CR1: variants seen among roughly 807,000 people sequenced by gnomAD.
CR1 encodes complement receptor type 1.
Under a neutral mutation model 187.3 loss-of-function variants are expected in CR1, and 116 were observed. The ratio of observed to expected loss-of-function variants is 0.62; its 90% CI spans 0.53 to 0.72. The LOEUF is 0.72. Ranked by LOEUF, CR1 falls within the 30% of genes least tolerant of loss-of-function variation. CR1 has a pLI of 0.00. For missense variants in CR1, 1,731 were observed against 2,110.7 expected (o/e 0.82, Z 3.52); for synonymous variants, 576 against 747.1 (o/e 0.77, Z 3.73).
intron 41 of CR1, among the ~76,000 whole-genome samples, chr1:207,617,545 G>GTA (rs1329544955): frequency 9.5e-5 from 10 of 104,852 alleles, no homozygotes; most frequent in East Asian, 7.3e-4. Flanking sequence ...GTGTATGTGT[G>GTA]TATATATATA....
At chr1:207,502,767 A>G (rs1251322712) in intron 1 of CR1, among the ~76,000 whole-genome samples, 11 of 152,262 alleles carry the variant, frequency 7.2e-5, no homozygotes, top group Admixed American at 7.2e-4. Context: ...GAAAGCACAG[A>G]GTTAGGCTTC....
In CR1 at chr1:207,641,238, A is replaced by G. The variant is rs1662974314; in HGVS notation, c.*1829A>G. 2 of 152,108 alleles carry G rather than the reference A, an allele frequency of 1.3e-5. No homozygotes were observed. The highest frequency in any genetic ancestry group is 2.9e-5 in the Non-Finnish European group (2 of 68,030). 9.4% of individuals were successfully genotyped at this position (152,108 alleles called of 1,614,324 possible). The stretch of plus-strand genomic sequence containing the variant: ...GTGATTGGGAATTGGCCTTTTTAGA[A>G]TTAAAATTTCCCATTACAAGAAAAA... On this transcript the variant is annotated 3_prime_UTR_variant, in exon 47 of 47. Coordinates refer to ENST00000367049, the MANE Select transcript of CR1 (RefSeq NM_000651.6).
rs559950844 is a variant in CR1, at chr1:207,614,341, C to T, written c.6576-63C>T. On this transcript the variant is annotated intron_variant, in intron 39 of 46. Transcript: ENST00000367049. Reference sequence around the variant, plus strand: ...AGTGAGGAAGCTGAGCATCTATTAGCGAAGAAATCAAGGGAGAGATGGGAA... The same window carrying T: ...AGTGAGGAAGCTGAGCATCTATTAGTGAAGAAATCAAGGGAGAGATGGGAA... 610 of 1,302,050 alleles carry T rather than the reference C, an allele frequency of 4.7e-4. 1 individual carries two copies. In the Middle Eastern group the frequency reaches 4.7e-3, roughly 10 times the overall value. 80.7% of individuals were successfully genotyped at this position (1,302,050 alleles called of 1,614,324 possible). A position where few individuals can be genotyped will look rare whatever the true frequency, so the allele number is the denominator to read the frequency against.
chr1:207,514,347 A>G (rs374306532), intron 4 of CR1, among the ~76,000 whole-genome samples: 3 of 151,984 alleles, frequency 2.0e-5, no homozygotes, highest in East Asian at 3.8e-4. Context: ...GTTGTGTGTT[A>G]TGGTCTGAAC....
chr1:207,502,708 A>T (rs1029563988), intron 1 of CR1, among the ~76,000 whole-genome samples: 1 of 152,210 alleles, frequency 6.6e-6, no homozygotes, highest in Admixed American at 6.5e-5. Context: ...TCTGGGAAAA[A>T]TAAGTAAGAA....
intron 24 of CR1, among the ~76,000 whole-genome samples, chr1:207,566,229 T>G (rs912434164): frequency 6.7e-6 from 1 of 150,054 alleles, no homozygotes; most frequent in Non-Finnish European, 1.5e-5. Context: ...CTCTAGTTTT[T>G]TCTTTCTTTT....
At chr1:207,611,618 A>G (rs1415277868) in intron 37 of CR1, 59 bp from the exon 38 acceptor site, 5 of 1,598,738 alleles carry the variant, frequency 3.1e-6, no homozygotes, top group East Asian at 4.5e-5. Flanking sequence ...TAAGCATAAG[A>G]TATAACAAAG....
Position 207,640,720 on chromosome 1 carries a change from A to C in CR1, c.*1311A>C, listed in dbSNP as rs979491126. Reference sequence around the variant, plus strand: ...GTGTTATGATATTATGGGCCATGCTAATGACCTCTAGAAAACATCAGAATA... The same window carrying C: ...GTGTTATGATATTATGGGCCATGCTCATGACCTCTAGAAAACATCAGAATA... On this transcript the variant is annotated 3_prime_UTR_variant, in exon 47 of 47. Coordinates refer to ENST00000367049, the MANE Select transcript of CR1 (RefSeq NM_000651.6). The C allele has an allele frequency of 6.6e-6, 1 of 152,242 alleles. No homozygotes were observed. Among genetic ancestry groups the C allele is most frequent in the Middle Eastern group, 3.2e-3 (1 of 316 alleles). The allele number at this position is 152,242 out of a possible 1,614,324, so 9.4% of individuals were successfully genotyped here. A position where few individuals can be genotyped will look rare whatever the true frequency, so the allele number is the denominator to read the frequency against.
chr1:207,633,967 G>C (rs558351479), intron 46 of CR1, among the ~76,000 whole-genome samples: 1 of 152,154 alleles, frequency 6.6e-6, no homozygotes, highest in African/African-American at 2.4e-5. Context: ...GGTGCTCAGT[G>C]GGGGAGCTTT....
At position 207,496,164 on chromosome 1, in the gene CR1, G is replaced by A. The variant is rs1659072748; in HGVS notation, c.-104G>A. ...AACCCCGCAGCCCTCCCCACACTCT[G>A]GGCGCGGAGCACAATGATTGGTCAC... On this transcript the variant is annotated 5_prime_UTR_variant, in exon 1 of 47. Coordinates refer to ENST00000367049, the MANE Select transcript of CR1 (RefSeq NM_000651.6). The A allele has an allele frequency of 3.8e-6, 6 of 1,596,642 alleles. No individual in the cohort carries two copies. Among genetic ancestry groups the A allele is most frequent in the Non-Finnish European group, 5.1e-6 (6 of 1,170,670 alleles).
Position 207,575,095 on chromosome 1 carries a change from A to G in CR1, c.4452-500A>G, listed in dbSNP as rs539689408. On this transcript the variant is annotated intron_variant, in intron 27 of 46. Transcript: ENST00000367049. Reference sequence around the variant, plus strand: ...TCAAATGTATCATTTATCTCAATACATTTGGTTTAATCCTCTTGTTGAAAA... The same window carrying G: ...TCAAATGTATCATTTATCTCAATACGTTTGGTTTAATCCTCTTGTTGAAAA... 1.1e-4 allele frequency among the ~76,000 whole-genome samples: 16 copies of G among 152,312 alleles called. No homozygotes were observed. The South Asian group carries it at 3.1e-3, about 30-fold the overall frequency.
At chr1:207,502,503 T>C (rs557515997) in intron 1 of CR1, among the ~76,000 whole-genome samples, 3 of 152,168 alleles carry the variant, frequency 2.0e-5, no homozygotes, top group African/African-American at 7.2e-5. Context: ...AGAGTGAAGA[T>C]AAAATTGCGT....
At chr1:207,580,181 A>G in intron 29 of CR1, 59 bp from the exon 30 acceptor site, 1 of 1,590,078 alleles carries the variant, frequency 6.3e-7, no homozygotes, top group South Asian at 1.2e-5. Context: ...TGAGGTCTTC[A>G]GGAAGCATAG....
chr1:207,579,455 G>A (rs1660869585), intron 29 of CR1, among the ~76,000 whole-genome samples: 1 of 152,154 alleles, frequency 6.6e-6, no homozygotes, highest in South Asian at 2.1e-4. Flanking sequence ...ACCAAAACAG[G>A]CTCTGGCCCA....
chr1:207,638,712 C>T (rs578118089), intron 46 of CR1, among the ~76,000 whole-genome samples: 5 of 152,200 alleles, frequency 3.3e-5, no homozygotes, highest in Non-Finnish European at 5.9e-5. Context: ...AATTGAAGAG[C>T]TAATAACCAA....
chr1:207,601,311 T>C (rs1004909509), intron 35 of CR1, among the ~76,000 whole-genome samples: 1 of 152,110 alleles, frequency 6.6e-6, no homozygotes, highest in Admixed American at 6.6e-5. Context: ...ATTAAAACTA[T>C]CCATGAAATG....
chr1:207,601,754 A>T (rs141042887), intron 35 of CR1, among the ~76,000 whole-genome samples: 1 of 151,986 alleles, frequency 6.6e-6, no homozygotes, highest in East Asian at 1.9e-4. Flanking sequence ...CCATTTCGTA[A>T]TTGGGTTGTT....
At position 207,629,122 on chromosome 1, in the gene CR1, T is replaced by C. The variant is rs145889547; in HGVS notation, c.7353-1395T>C. On this transcript the variant is annotated intron_variant, in intron 45 of 46. Transcript: ENST00000367049. ...TGCACTCATCAGTGAGGAATAATAC[T>C]GGTTAGACTTCTTCATTCAGAGCCC... 1.1e-4 allele frequency among the ~76,000 whole-genome samples: 17 copies of C among 152,320 alleles called. No homozygotes were observed. The East Asian group carries it at 2.7e-3, about 24-fold the overall frequency.
At chr1:207,544,793 C>T (rs1249436476) in intron 13 of CR1, among the ~76,000 whole-genome samples, 2 of 143,656 alleles carry the variant, frequency 1.4e-5, no homozygotes, top group African/African-American at 2.8e-5. Context: ...GTCAGGTGGC[C>T]GCTGAGAGAA....
Sources: allele counts gnomAD v4.1 joint callset (sites outside exome capture counted in the v4.1 genomes callset), GRCh38; gene constraint gnomAD v4.1.1; transcripts MANE v1.5; gene names NCBI Gene and HGNC (gene_info 2026-07-23, HGNC 2026-07-21).